FER: variants seen among roughly 807,000 people sequenced by gnomAD.
FER encodes the protein FER tyrosine kinase, also known as tyrosine-protein kinase Fer.
FER carries 63 observed loss-of-function variants against 111.0 expected under a neutral mutation model. The observed-to-expected ratio is 0.57, with a 90% CI of 0.46 to 0.70. The LOEUF (loss-of-function observed/expected upper bound fraction) is 0.70. Among genes scored for constraint, FER ranks in the 30% least tolerant of loss-of-function variants. The pLI is 0.00. For synonymous variants in FER, 327 were observed against 313.9 expected (o/e 1.04, Z -0.44); for missense variants, 914 against 954.0 (o/e 0.96, Z 0.55).
chr5:108,992,873 G>A (rs1253388702), intron 13 of FER, among the ~76,000 whole-genome samples: 3 of 151,628 alleles, frequency 2.0e-5, no homozygotes, highest in Admixed American at 6.6e-5. Flanking sequence ...GTCGCGGCCA[G>A]GCAGAGGCGC....
At chr5:108,908,944 T>A (rs913692953) in intron 10 of FER, among the ~76,000 whole-genome samples, 4 of 152,120 alleles carry the variant, frequency 2.6e-5, no homozygotes, top group African/African-American at 9.7e-5. Flanking sequence ...GGTGGGACGA[T>A]GGCTTGAGCC....
intron 9 of FER, among the ~76,000 whole-genome samples, chr5:108,896,022 A>T (rs562812564): frequency 5.3e-5 from 8 of 151,812 alleles, no homozygotes; most frequent in Non-Finnish European, 1.0e-4. Flanking sequence ...TTTGAAGTAT[A>T]CCTCCCTGTT....
rs542226523 is a variant in FER at position 108,840,165 on chromosome 5, A to G, written c.481+4358A>G. 2.6e-5 allele frequency among the ~76,000 whole-genome samples: 4 copies of G among 152,306 alleles called. 1 individual carries two copies. In the South Asian group the frequency reaches 6.2e-4, roughly 24 times the overall value. ...TTGATCGGTAAATGCTTTAGCTTGC[A>G]TCTGCTGAGAATAAAGACATTCTTC... is the stretch of plus-strand genomic sequence containing the variant. On this transcript the variant is annotated intron_variant, in intron 5 of 19. Transcript: ENST00000281092.
chr5:109,126,284 G>A (rs765263370), intron 17 of FER, among the ~76,000 whole-genome samples: 1 of 152,124 alleles, frequency 6.6e-6, no homozygotes, highest in Non-Finnish European at 1.5e-5. Flanking sequence ...TAAGAACCCT[G>A]CGGTTTGCAT....
chr5:109,004,056 A>G (rs1765181674), intron 13 of FER, among the ~76,000 whole-genome samples: 1 of 152,196 alleles, frequency 6.6e-6, no homozygotes, highest in Non-Finnish European at 1.5e-5. Context: ...AAAACAATAA[A>G]TGTCATTGCT....
rs1436600572 is a variant in FER at position 108,946,209 on chromosome 5, T to C, written c.1316T>C (p.Leu439Pro). The change falls in exon 11 of 20, where the codon CTG becomes CCG. Residue 439 changes from leucine to proline, a missense_variant. Transcript: ENST00000281092. ...AGIIRSPKSA[L>P]GSSALSDMIS... ...ATAATTAGGTCTCCAAAATCTGCAC[T>C]GGGCTCTTCAGCAGTAAGTAGGATT... 1.2e-6 allele frequency: 2 copies of C among 1,611,184 alleles called. No homozygotes were observed. Among genetic ancestry groups the C allele is most frequent in the African/African-American group, 2.7e-5 (2 of 74,984 alleles).
chr5:108,839,453 AGGAGAAGGGAAT>A (rs775630779), intron 5 of FER, among the ~76,000 whole-genome samples: 3 of 152,036 alleles, frequency 2.0e-5, no homozygotes, highest in Non-Finnish European at 4.4e-5. Flanking sequence ...GCTCTGAGTG[AGGAGAAGGGAAT>A]GGAAAGTATC....
intron 10 of FER, among the ~76,000 whole-genome samples, chr5:108,905,546 C>T (rs1042766852): frequency 6.6e-6 from 1 of 152,008 alleles, no homozygotes; most frequent in South Asian, 2.1e-4. Flanking sequence ...GATTCAACAG[C>T]GCTTAATGAT....
At chr5:109,069,016 G>C (rs1336051907) in intron 16 of FER, among the ~76,000 whole-genome samples, 1 of 151,470 alleles carries the variant, frequency 6.6e-6, no homozygotes, top group Non-Finnish European at 1.5e-5. Flanking sequence ...AAATTAATCT[G>C]GGGGCCTTCA....
At chr5:109,006,329 CT>C (rs1430280025) in intron 13 of FER, among the ~76,000 whole-genome samples, 5 of 152,126 alleles carry the variant, frequency 3.3e-5, no homozygotes, top group Admixed American at 3.3e-4. Context: ...GGGGGCGAGT[CT>C]TTCCTGTGCT....
intron 10 of FER, among the ~76,000 whole-genome samples, chr5:108,910,740 T>C (rs1163528197): frequency 6.6e-6 from 1 of 152,064 alleles, no homozygotes; most frequent in Non-Finnish European, 1.5e-5. Flanking sequence ...CGGTATTTGA[T>C]TTTCTATTTC....
chr5:108,941,491 G>A (rs912557625), intron 10 of FER, among the ~76,000 whole-genome samples: 5 of 152,086 alleles, frequency 3.3e-5, no homozygotes, highest in Non-Finnish European at 7.4e-5. Flanking sequence ...AAAATGCTTA[G>A]GGATGTAATA....
intron 16 of FER, among the ~76,000 whole-genome samples, chr5:109,060,899 TTGTC>T (rs1774334900): frequency 6.6e-6 from 1 of 151,950 alleles, no homozygotes; most frequent in East Asian, 1.9e-4. Flanking sequence ...TACTTCATAA[TTGTC>T]TGAGAGGAAA....
intron 5 of FER, among the ~76,000 whole-genome samples, chr5:108,837,029 T>C (rs1030813499): frequency 6.6e-6 from 1 of 152,220 alleles, no homozygotes; most frequent in East Asian, 1.9e-4. Context: ...TGTAGATATA[T>C]CTTTTGAAAT....
intron 1 of FER, among the ~76,000 whole-genome samples, chr5:108,750,627 G>A (rs1205653092): frequency 3.9e-5 from 6 of 152,210 alleles, no homozygotes; most frequent in African/African-American, 1.4e-4. Context: ...CTGCTTCAAA[G>A]GTTGATGTCT....
At chr5:108,985,953 A>G (rs867940269) in intron 13 of FER, among the ~76,000 whole-genome samples, 4 of 152,354 alleles carry the variant, frequency 2.6e-5, no homozygotes, top group Non-Finnish European at 5.9e-5. Flanking sequence ...ATAGATACCC[A>G]ATGGTGGGAT....
chr5:108,959,401 T>A, intron 13 of FER, 54 bp downstream of exon 13: 2 of 1,523,632 alleles, frequency 1.3e-6, no homozygotes, highest in Non-Finnish European at 1.8e-6. Flanking sequence ...TTTTGGTGAG[T>A]TAACATTTCC....
chr5:108,759,458 A>G (rs568558594), intron 1 of FER, among the ~76,000 whole-genome samples: 1 of 152,226 alleles, frequency 6.6e-6, no homozygotes, highest in Non-Finnish European at 1.5e-5. Context: ...AGCTGCTTCC[A>G]CATTTTTAGG....
chr5:108,944,068 T>C (rs1756639295), intron 10 of FER, among the ~76,000 whole-genome samples: 1 of 151,812 alleles, frequency 6.6e-6, no homozygotes, highest in South Asian at 2.1e-4. Flanking sequence ...GATAAACTTG[T>C]AATTATTATG....
Sources: gnomAD v4.1 joint callset for allele counts (sites outside exome capture counted in the v4.1 genomes callset) on GRCh38, gnomAD v4.1.1 for gene constraint, MANE v1.5 for transcripts, NCBI Gene and HGNC (gene_info 2026-07-23, HGNC 2026-07-21) for gene names.